Variants in COPB1 observed in about 807,000 individuals in gnomAD.
COPB1 encodes coatomer subunit beta.
Under a neutral mutation model 108.7 loss-of-function variants are expected in COPB1, and 21 were observed. The observed-to-expected ratio is 0.19, with a 90% confidence interval of 0.14 to 0.28. The LOEUF (loss-of-function observed/expected upper bound fraction) is 0.28, where lower values mean the gene tolerates loss of function less well. Ranked by LOEUF, COPB1 falls within the 10% of genes least tolerant of loss-of-function variation. The probability of loss-of-function intolerance (pLI) is 1.00; values close to 1 mark genes in which losing one functional copy is unlikely to be tolerated. For missense variants in COPB1, 919 were observed against 1,141.3 expected (o/e 0.81, Z 2.81); for synonymous variants, 378 against 386.8 (o/e 0.98, Z 0.27).
intron 2 of COPB1, among the ~76,000 whole-genome samples, chr11:14,496,395 A>G (rs1287778746): frequency 6.6e-6 from 1 of 152,200 alleles, no homozygotes; most frequent in Non-Finnish European, 1.5e-5. Context: ...GCATTTCTAT[A>G]TGACAACAGT....
intron 2 of COPB1, 108 bp from the exon 3 acceptor site, chr11:14,494,547 T>A (rs1850975922): frequency 1.6e-6 from 1 of 644,328 alleles, no homozygotes; most frequent in African/African-American, 1.8e-5. Flanking sequence ...TACTTCAGTA[T>A]CAGCAATGGT....
chr11:14,499,605 C>T (rs1204944778), intron 1 of COPB1, 102 bp downstream of exon 1: 1 of 150,904 alleles, frequency 6.6e-6, no homozygotes, highest in Non-Finnish European at 1.5e-5. Flanking sequence ...ACCCGTACCC[C>T]CACCCGGTCC....
intron 15 of COPB1, 124 bp from the exon 16 acceptor site, chr11:14,468,984 A>C: frequency 1.2e-6 from 1 of 823,048 alleles, no homozygotes; most frequent in Non-Finnish European, 1.9e-6. Flanking sequence ...AAAACCCACA[A>C]AGCACTTTTC....
chr11:14,481,187 C>T, intron 8 of COPB1, 90 bp from the exon 9 acceptor site: 1 of 929,084 alleles, frequency 1.1e-6, no homozygotes, highest in Non-Finnish European at 1.6e-6. Context: ...GTTTATCTAT[C>T]ATCACTTTAA....
chr11:14,487,356 G>A (rs1290135174), intron 6 of COPB1, among the ~76,000 whole-genome samples: 1 of 152,032 alleles, frequency 6.6e-6, no homozygotes, highest in Non-Finnish European at 1.5e-5. Context: ...GAACCTCAGT[G>A]GTATCCTAAA....
chr11:14,479,643 A>G lies in COPB1; in HGVS notation c.1284T>C (p.Ile428=). Residue 428 remains isoleucine (I), a synonymous_variant, in exon 11 of 22, where the codon ATT becomes ATC. Transcript: ENST00000439561. The part of the protein sequence containing the change: ...ADVLEFVREA[I]QRFDNLRMLI... ...GCATTCTCAGGTTATCAAAGCGCTG[A>G]ATGGCTTCACGAACAAACTCCAAGA... is the stretch of plus-strand genomic sequence containing the variant. The G allele has an allele frequency of 6.2e-7, 1 of 1,613,560 alleles. No homozygotes were observed. Among genetic ancestry groups the G allele is most frequent in the South Asian group, 1.1e-5 (1 of 90,976 alleles).
chr11:14,466,250 C>T (rs780990348), intron 17 of COPB1, 32 bp downstream of exon 17: 2 of 1,606,418 alleles, frequency 1.2e-6, no homozygotes, highest in Admixed American at 1.7e-5. Flanking sequence ...TACTATGTGA[C>T]AATCTCTTTC....
chr11:14,467,772 T>TCTTCA (rs1249324554), intron 16 of COPB1, among the ~76,000 whole-genome samples: 4 of 152,140 alleles, frequency 2.6e-5, no homozygotes, highest in Non-Finnish European at 5.9e-5. Flanking sequence ...TTATACTGAG[T>TCTTCA]GAAATATGCC....
chr11:14,462,962 T>C (rs192123867), intron 18 of COPB1, among the ~76,000 whole-genome samples: 378 of 152,300 alleles, frequency 2.5e-3, no homozygotes, highest in African/African-American at 8.7e-3. Flanking sequence ...CTACACTACC[T>C]GTATTTCTTC....
At chr11:14,475,093 CAAAAAAAAAAAAAA>C (rs146181255) in intron 13 of COPB1, among the ~76,000 whole-genome samples, 4 of 71,572 alleles carry the variant, frequency 5.6e-5, no homozygotes, top group East Asian at 4.0e-4. Context: ...GACTCTGTGT[CAAAAAAAAAAAAAA>C]AAAAAAAAAA....
Position 14,475,801 on chromosome 11 carries a change from TG to T in COPB1, c.1599del (p.Lys534ArgfsTer9). 1 of 1,575,910 alleles carries T rather than the reference TG, an allele frequency of 6.3e-7. No homozygotes were observed. The highest frequency in any genetic ancestry group is 8.6e-7 in the Non-Finnish European group (1 of 1,165,266). ...ATAAATTACCTGTCTTCCTCTTTCT[TG>T]GTGGGTCTAGAACTGCTAAGGGCAC... ...TQSALSSSRPTKKEEDRPPLR... is the reference protein window; with the variant it reads ...TQSALSSSRPXKKEEDRPPLR... On this transcript the variant is annotated frameshift_variant, in exon 13 of 22. Transcript: ENST00000439561. LOFTEE classifies it high-confidence loss of function.
chr11:14,471,891 C>T (rs371487526), intron 14 of COPB1, among the ~76,000 whole-genome samples: 5 of 152,268 alleles, frequency 3.3e-5, no homozygotes, highest in South Asian at 2.1e-4. Context: ...CATGGCACTC[C>T]GGCCTGGGCA....
At chr11:14,499,032 A>C (rs1025673294) in intron 1 of COPB1, 47 bp from the exon 2 acceptor site, 45 of 931,800 alleles carry the variant, frequency 4.8e-5, no homozygotes, top group Non-Finnish European at 5.2e-5. Flanking sequence ...AAAAAAAAAA[A>C]CCCACAAACA....
At position 14,479,880 on chromosome 11, in the gene COPB1, T is replaced by C. The variant is rs547664208; in HGVS notation, c.1213-166A>G. 1.8e-3 allele frequency among the ~76,000 whole-genome samples: 279 copies of C among 152,314 alleles called. 2 individuals are homozygous for C. The highest frequency in any genetic ancestry group is 6.4e-3 in the African/African-American group (266 of 41,572). On this transcript the variant is annotated intron_variant, in intron 10 of 21. Transcript: ENST00000439561. ...GAATAGTGGCACAATCATAGCTCAC[T>C]GCAGCCTTGAACTCTTGGGCTCAAG...
rs184524007 is a variant in COPB1, at chr11:14,465,522, T to C, written c.2291-492A>G. Among the ~76,000 whole-genome samples the C allele has an allele frequency of 3.9e-5, 6 of 152,208 alleles. No homozygotes were observed. In the East Asian group the frequency reaches 7.7e-4, roughly 20 times the overall value. ...TAATTTTCTTGATTTTTTGTAGAGA[T>C]TGGGGTCATTTTATTTCAATGAATG... On this transcript the variant is annotated intron_variant, in intron 17 of 21. Transcript: ENST00000439561.
At chr11:14,460,392 GT>G in intron 19 of COPB1, 95 bp from the exon 20 acceptor site, 1 of 726,102 alleles carries the variant, frequency 1.4e-6, no homozygotes, top group Non-Finnish European at 2.3e-6. Context: ...TGTTCCAACT[GT>G]TTAGGTTGGA....
intron 20 of COPB1, among the ~76,000 whole-genome samples, chr11:14,459,739 C>T (rs368223017): frequency 7.9e-5 from 12 of 152,266 alleles, no homozygotes; most frequent in African/African-American, 2.4e-4. Context: ...GCCTCAACCT[C>T]CCAAGTAGCT....
Position 14,481,013 on chromosome 11 carries a change from C to T in COPB1, c.1042G>A (p.Val348Ile), listed in dbSNP as rs774804460. ...KKTLQLALDL[V>I]SSRNVEELVI... ...ACCTCTTCAACATTTCTAGAAGAGA[C>T]AAGATCCAGTGCTAACTGCAGAGTT... is the stretch of plus-strand genomic sequence containing the variant. The change falls in exon 9 of 22, where the codon GTC becomes ATC. Residue 348 changes from valine (V) to isoleucine (I), a missense_variant. Coordinates refer to ENST00000439561, the MANE Select transcript of COPB1 (RefSeq NM_001144061.2). The T allele has an allele frequency of 1.9e-6, 3 of 1,613,912 alleles. No homozygotes were observed. Among genetic ancestry groups the T allele is most frequent in the East Asian group, 2.2e-5 (1 of 44,852 alleles).
intron 4 of COPB1, 110 bp downstream of exon 4, chr11:14,493,532 A>G (rs1273549206): frequency 1.1e-6 from 1 of 916,362 alleles, no homozygotes; most frequent in Admixed American, 2.8e-5. Flanking sequence ...CTGGCCATAC[A>G]AAATATATCT....
Sources: gnomAD v4.1 joint callset for allele counts (sites outside exome capture counted in the v4.1 genomes callset) on GRCh38, gnomAD v4.1.1 for gene constraint, MANE v1.5 for transcripts, NCBI Gene and HGNC (gene_info 2026-07-23, HGNC 2026-07-21) for gene names.